Variants in ABAT observed in about 807,000 individuals in gnomAD.
The protein encoded by ABAT is 4-aminobutyrate aminotransferase.
Under a neutral mutation model 64.6 loss-of-function variants are expected in ABAT, and 45 were observed. The ratio of observed to expected loss-of-function variants is 0.70; its 90% CI spans 0.55 to 0.89. The LOEUF (loss-of-function observed/expected upper bound fraction) is 0.89, where lower values mean the gene tolerates loss of function less well. ABAT is among the 40% of genes least tolerant of loss of function. The pLI is 0.00. For missense variants in ABAT, 633 were observed against 658.4 expected (o/e 0.96, Z 0.42); for synonymous variants, 297 against 250.5 (o/e 1.19, Z -1.75).
intron 1 of ABAT, among the ~76,000 whole-genome samples, chr16:8,721,868 G>C (rs902066280): frequency 6.6e-6 from 1 of 152,190 alleles, no homozygotes; most frequent in Non-Finnish European, 1.5e-5. Context: ...AAAGAAAAAG[G>C]ACGAGGAGAG....
chr16:8,754,821 C>T (rs765719202), intron 5 of ABAT, among the ~76,000 whole-genome samples: 3 of 151,732 alleles, frequency 2.0e-5, no homozygotes, highest in Non-Finnish European at 2.9e-5. Flanking sequence ...CTGGTTCAAG[C>T]GATTCTCCTG....
At chr16:8,685,556 G>A (rs950759329) in intron 1 of ABAT, among the ~76,000 whole-genome samples, 1 of 151,676 alleles carries the variant, frequency 6.6e-6, no homozygotes. Flanking sequence ...TGCGCCTGTA[G>A]TCCCAACTAC....
chr16:8,780,316 G>C (rs906114394), intron 15 of ABAT: 4 of 162,372 alleles, frequency 2.5e-5, no homozygotes, highest in African/African-American at 9.6e-5. Context: ...TGTGGCAGGG[G>C]TAAGGGCAGA....
chr16:8,734,093 A>G (rs1355130085), intron 1 of ABAT, among the ~76,000 whole-genome samples: 1 of 152,190 alleles, frequency 6.6e-6, no homozygotes, highest in African/African-American at 2.4e-5. Context: ...GCTACAGTGA[A>G]CATGGGTTAA....
At chr16:8,755,469 C>G (rs1273424) in intron 5 of ABAT, among the ~76,000 whole-genome samples, 24,433 of 152,192 alleles carry the variant, frequency 0.16, 2,113 homozygotes, top group South Asian at 0.29. Flanking sequence ...AAACTCAAGT[C>G]AAACAAATGA....
intron 1 of ABAT, among the ~76,000 whole-genome samples, chr16:8,725,318 T>A (rs2058517382): frequency 6.6e-6 from 1 of 152,180 alleles, no homozygotes; most frequent in Non-Finnish European, 1.5e-5. Context: ...CGCTATCTAA[T>A]TCCAGATTTT....
chr16:8,711,898 A>T (rs1277369180), intron 1 of ABAT, among the ~76,000 whole-genome samples: 1 of 152,164 alleles, frequency 6.6e-6, no homozygotes, highest in Non-Finnish European at 1.5e-5. Flanking sequence ...ACAGACAGAC[A>T]AAAAACAGAA....
rs369941714 is a variant in ABAT at position 8,739,650 on chromosome 16, C to T, written c.70+3841C>T. Among the ~76,000 whole-genome samples the T allele has an allele frequency of 6.6e-4, 101 of 151,912 alleles. 1 individual carries two copies. Among genetic ancestry groups the T allele is most frequent in the African/African-American group, 1.9e-3 (77 of 41,422 alleles). ...GGAGAATGGGTTAGAACCCAGGAGG[C>T]GGAGGTTATGGTTCATGTGAAAGCA... On this transcript the variant is annotated intron_variant, in intron 2 of 15. Transcript: ENST00000268251.
At chr16:8,677,608 T>A (rs900169185) in intron 1 of ABAT, among the ~76,000 whole-genome samples, 1 of 152,116 alleles carries the variant, frequency 6.6e-6, no homozygotes, top group East Asian at 1.9e-4. Context: ...CCCTGTGTAT[T>A]GTAGGATATT....
chr16:8,754,701 TCTTTC>T (rs2059599026), intron 5 of ABAT, among the ~76,000 whole-genome samples: 1 of 88,224 alleles, frequency 1.1e-5, no homozygotes, highest in African/African-American at 3.9e-5. Context: ...TTTCTTTCTT[TCTTTC>T]TTTCTTTCTT....
At chr16:8,689,426 A>T (rs1397560427) in intron 1 of ABAT, among the ~76,000 whole-genome samples, 1 of 152,202 alleles carries the variant, frequency 6.6e-6, no homozygotes, top group Admixed American at 6.5e-5. Flanking sequence ...CTCTAAAGAG[A>T]CTGCACCAAT....
intron 1 of ABAT, among the ~76,000 whole-genome samples, chr16:8,699,348 C>T (rs2057769709): frequency 6.6e-6 from 1 of 152,026 alleles, no homozygotes; most frequent in Non-Finnish European, 1.5e-5. Flanking sequence ...CCTCGGATCA[C>T]CTAAGGTCAG....
At chr16:8,688,822 A>G (rs1290052313) in intron 1 of ABAT, among the ~76,000 whole-genome samples, 1 of 152,230 alleles carries the variant, frequency 6.6e-6, no homozygotes, top group African/African-American at 2.4e-5. Context: ...TCACACCTGT[A>G]ATCCCAACAC....
chr16:8,770,189 G>C (rs1279649040), intron 11 of ABAT, among the ~76,000 whole-genome samples: 1 of 152,186 alleles, frequency 6.6e-6, no homozygotes, highest in Non-Finnish European at 1.5e-5. Context: ...CCAGGCTGGA[G>C]TGCAGTGGCG....
At chr16:8,697,087 A>T in intron 1 of ABAT, among the ~76,000 whole-genome samples, 1 of 152,210 alleles carries the variant, frequency 6.6e-6, no homozygotes, top group Non-Finnish European at 1.5e-5. Flanking sequence ...TGACAAAAAT[A>T]AAATGTGTTG....
chr16:8,687,927 C>G (rs2057493857), intron 1 of ABAT, among the ~76,000 whole-genome samples: 1 of 151,672 alleles, frequency 6.6e-6, no homozygotes, highest in Admixed American at 6.6e-5. Flanking sequence ...AGACAGGGGT[C>G]TCACTCTGTT....
chr16:8,733,263 C>G (rs1212891138), intron 1 of ABAT, among the ~76,000 whole-genome samples: 2 of 151,356 alleles, frequency 1.3e-5, no homozygotes, highest in Non-Finnish European at 2.9e-5. Flanking sequence ...TCCTCACTTC[C>G]TAGATGTGAT....
At chr16:8,694,170 C>G (rs189586250) in intron 1 of ABAT, among the ~76,000 whole-genome samples, 3,616 of 150,654 alleles carry the variant, frequency 0.024, 144 homozygotes, top group African/African-American at 0.084. Flanking sequence ...GCTGGGACTA[C>G]AGGCGCCCGC....
At chr16:8,731,375 A>C (rs2058714397) in intron 1 of ABAT, 1 of 152,196 alleles carries the variant, frequency 6.6e-6, no homozygotes, top group African/African-American at 2.4e-5. Flanking sequence ...TTCCAAAATC[A>C]CTTTGCACTC....
Sources: gnomAD v4.1 joint callset for allele counts (sites outside exome capture counted in the v4.1 genomes callset) on GRCh38, gnomAD v4.1.1 for gene constraint, MANE v1.5 for transcripts, NCBI Gene and HGNC (gene_info 2026-07-23, HGNC 2026-07-21) for gene names.